The following HSDL2 variants were observed in gnomAD, a reference collection of about 807,000 sequenced individuals.
HSDL2 encodes the protein hydroxysteroid dehydrogenase like 2, also known as hydroxysteroid dehydrogenase-like protein 2.
A neutral mutation model predicts 46.3 loss-of-function variants in HSDL2; 27 were observed. The ratio of observed to expected loss-of-function variants is 0.58; its 90% confidence interval spans 0.43 to 0.80. HSDL2 has a LOEUF of 0.80. Ranked by LOEUF, HSDL2 falls within the 30% of genes least tolerant of loss-of-function variation. HSDL2 has a pLI of 0.00. For missense variants in HSDL2, 451 were observed against 502.7 expected (o/e 0.90, Z 0.98); for synonymous variants, 153 against 163.6 (o/e 0.94, Z 0.50).
intron 10 of HSDL2, among the ~76,000 whole-genome samples, chr9:112,466,377 AC>A (rs1355002942): frequency 6.6e-6 from 1 of 152,048 alleles, no homozygotes; most frequent in Non-Finnish European, 1.5e-5. Flanking sequence ...ACATGGTGAA[AC>A]CCCATCTCTA....
Position 112,438,509 on chromosome 9 carries a change from A to G in HSDL2, c.677A>G (p.Asp226Gly). The change falls in exon 7 of 11, where the codon GAT becomes GGT. Residue 226 changes from aspartate (D) to glycine (G), a missense_variant. Transcript: ENST00000398805. ...SQCRKVDIIA[D>G]AAYSIFQKPK... is the part of the protein sequence containing the mutation. ...TGTAGAAAAGTTGATATCATTGCAG[A>G]TGCAGCATATTCCATTTTCCAAAAG... is the stretch of plus-strand genomic sequence containing the variant. 6.2e-7 allele frequency: 1 copy of G among 1,613,010 alleles called. No homozygotes were observed. Among genetic ancestry groups the G allele is most frequent in the Non-Finnish European group, 8.5e-7 (1 of 1,179,546 alleles).
intron 10 of HSDL2, among the ~76,000 whole-genome samples, chr9:112,461,460 G>C (rs1029327981): frequency 6.6e-6 from 1 of 152,138 alleles, no homozygotes; most frequent in Non-Finnish European, 1.5e-5. Context: ...CAGTGCTTTG[G>C]ACACATTTAA....
intron 1 of HSDL2, among the ~76,000 whole-genome samples, chr9:112,390,097 T>TAAATAAATAAATAAAG (rs1371100347): frequency 6.7e-6 from 1 of 150,028 alleles, no homozygotes; most frequent in Non-Finnish European, 1.5e-5. Flanking sequence ...AATAAATAAA[T>TAAATAAATAAATAAAG]AAAGTAAAAA....
Position 112,458,981 on chromosome 9 carries a change from C to CA in HSDL2, c.1016-460dup, listed in dbSNP as rs906942177. On this transcript the variant is annotated intron_variant, in intron 9 of 10. Transcript: ENST00000398805. ...GGGCGACAGAGCTAGACTCCATCTC[C>CA]AAAAAAAAGAAAAGAAAAAGAAAAC... is the stretch of plus-strand genomic sequence containing the variant. 8.4e-5 allele frequency among the ~76,000 whole-genome samples: 11 copies of CA among 130,762 alleles called. No individual in the cohort carries two copies. In the East Asian group the frequency reaches 9.1e-4, roughly 11 times the overall value. The allele number at this position is 130,762 out of a possible 152,430, so 85.8% of individuals were successfully genotyped here.
At chr9:112,452,214 G>T (rs899129903) in intron 8 of HSDL2, among the ~76,000 whole-genome samples, 1 of 152,140 alleles carries the variant, frequency 6.6e-6, no homozygotes, top group Non-Finnish European at 1.5e-5. Context: ...TATACTTTAT[G>T]AATTAATAGC....
At position 112,441,773 on chromosome 9, in the gene HSDL2, A is replaced by C; in HGVS notation, c.865+3A>C. 1 of 1,538,938 alleles carries C rather than the reference A, an allele frequency of 6.5e-7. No homozygotes were observed. Among genetic ancestry groups the C allele is most frequent in the Non-Finnish European group, 9.0e-7 (1 of 1,111,676 alleles). On this transcript the variant is annotated splice_donor_region_variant and intron_variant, in intron 8 of 10. Coordinates refer to ENST00000398805, the MANE Select transcript of HSDL2 (RefSeq NM_032303.5). ...TAGCAAGAAAGTGGAATCAACTGGTAAGATCTAGACTATATTTTATGTTAG... is the reference window on the plus strand; with the variant it reads ...TAGCAAGAAAGTGGAATCAACTGGTCAGATCTAGACTATATTTTATGTTAG...
At chr9:112,427,307 G>A (rs1055753528) in intron 6 of HSDL2, among the ~76,000 whole-genome samples, 4 of 152,180 alleles carry the variant, frequency 2.6e-5, no homozygotes, top group East Asian at 1.9e-4. Flanking sequence ...CACCCGCCTC[G>A]GCCTCCCAAA....
At chr9:112,385,644 G>A (rs895587137) in intron 1 of HSDL2, among the ~76,000 whole-genome samples, 7 of 151,512 alleles carry the variant, frequency 4.6e-5, no homozygotes, top group African/African-American at 7.3e-5. Context: ...CTGCCACCAC[G>A]CCTGGCCGAT....
At chr9:112,430,377 G>A (rs1219343652) in intron 6 of HSDL2, among the ~76,000 whole-genome samples, 1 of 152,168 alleles carries the variant, frequency 6.6e-6, no homozygotes, top group East Asian at 1.9e-4. Flanking sequence ...GGGAAGAGGA[G>A]TAGAAAATGA....
At chr9:112,401,643 C>T (rs1185568364) in intron 1 of HSDL2, among the ~76,000 whole-genome samples, 2 of 149,368 alleles carry the variant, frequency 1.3e-5, no homozygotes, top group African/African-American at 2.5e-5. Flanking sequence ...GATTTAGACT[C>T]AGAGACCTAG....
chr9:112,421,812 C>T (rs1272880704), intron 6 of HSDL2, among the ~76,000 whole-genome samples: 1 of 152,182 alleles, frequency 6.6e-6, no homozygotes, highest in Non-Finnish European at 1.5e-5. Flanking sequence ...CCTGCCGTCC[C>T]TCCCTTTCCC....
chr9:112,388,991 T>C (rs1016182667), intron 1 of HSDL2, among the ~76,000 whole-genome samples: 6 of 151,948 alleles, frequency 3.9e-5, no homozygotes, highest in Non-Finnish European at 8.8e-5. Context: ...TGAAAGTAGA[T>C]ACATGAGAGA....
chr9:112,423,141 A>T lies in HSDL2; in HGVS notation c.598+4183A>T, dbSNP rs546622867. 1.4e-3 allele frequency among the ~76,000 whole-genome samples: 207 copies of T among 152,364 alleles called. 1 individual carries two copies. Among genetic ancestry groups the T allele is most frequent in the African/African-American group, 4.6e-3 (191 of 41,590 alleles). On this transcript the variant is annotated intron_variant, in intron 6 of 10. Transcript: ENST00000398805. ...AATAATGGCTGGCAAATAAACCTGT[A>T]GTACATTTAATATATGGTCAAATGT...
At chr9:112,393,401 C>T (rs577719645) in intron 1 of HSDL2, among the ~76,000 whole-genome samples, 1 of 152,320 alleles carries the variant, frequency 6.6e-6, no homozygotes, top group East Asian at 1.9e-4. Context: ...ACTGCACTTG[C>T]ATGTGATATT....
At chr9:112,416,786 T>TGGAGAAATTGTTA (rs1451825142) in intron 4 of HSDL2, 55 bp from the exon 5 acceptor site, 21 of 834,222 alleles carry the variant, frequency 2.5e-5, no homozygotes, top group Non-Finnish European at 3.8e-5. Flanking sequence ...AAAAAAAAAG[T>TGGAGAAATTGTTA]GGAGAAATTG....
At position 112,416,873 on chromosome 9, in the gene HSDL2, G is replaced by T; in HGVS notation, c.428G>T (p.Ser143Ile). 1 of 1,601,344 alleles carries T rather than the reference G, an allele frequency of 6.2e-7. No individual in the cohort carries two copies. The highest frequency in any genetic ancestry group is 8.6e-7 in the Non-Finnish European group (1 of 1,168,764). The change falls in exon 5 of 11, where the codon AGC becomes ATC. Residue 143 changes from serine (S) to isoleucine (I), a missense_variant. Physicochemically the swap from Ser to Ile is moderately radical, Grantham distance 142. Transcript: ENST00000398805. ...GCATGTATTCCTTATTTGAAAAAGAGCAAAGTTGCTCATATCCTCAATATC... is the reference window on the plus strand; with the variant it reads ...GCATGTATTCCTTATTTGAAAAAGATCAAAGTTGCTCATATCCTCAATATC... ...SKACIPYLKK[S>I]KVAHILNISP...
intron 3 of HSDL2, among the ~76,000 whole-genome samples, chr9:112,407,540 C>T (rs145566334): frequency 6.6e-6 from 1 of 152,222 alleles, no homozygotes; most frequent in Non-Finnish European, 1.5e-5. Flanking sequence ...CCCCAGCCTC[C>T]CAAGAAGCTG....
At chr9:112,404,923 G>T (rs202043311) in intron 2 of HSDL2, among the ~76,000 whole-genome samples, 4 of 42,446 alleles carry the variant, frequency 9.4e-5, no homozygotes, top group African/African-American at 3.3e-4. Context: ...AAATAAAACA[G>T]GGGACAGGAA....
At chr9:112,460,878 G>A (rs1833189006) in intron 10 of HSDL2, among the ~76,000 whole-genome samples, 2 of 151,916 alleles carry the variant, frequency 1.3e-5, no homozygotes, top group Admixed American at 1.3e-4. Context: ...ATCTATATAT[G>A]TATATTATGC....
Sources: allele counts gnomAD v4.1 joint callset (sites outside exome capture counted in the v4.1 genomes callset), GRCh38; gene constraint gnomAD v4.1.1; transcripts MANE v1.5; gene names NCBI Gene and HGNC (gene_info 2026-07-23, HGNC 2026-07-21).